Variants in GRK3 observed in about 807,000 individuals in gnomAD.
The protein encoded by GRK3 is adrenergic, beta, receptor kinase 2.
In GRK3, 54 loss-of-function variants were observed where a neutral mutation model predicts 95.7. The ratio of observed to expected loss-of-function variants is 0.56; its 90% CI spans 0.45 to 0.71. The LOEUF (loss-of-function observed/expected upper bound fraction) is 0.71, where lower values mean the gene tolerates loss of function less well. Among genes scored for constraint, GRK3 ranks in the 30% least tolerant of loss-of-function variants. GRK3 has a pLI of 0.00. For missense variants in GRK3, 649 were observed against 851.2 expected (o/e 0.76, Z 2.96); for synonymous variants, 281 against 290.8 (o/e 0.97, Z 0.34).
At chr22:25,605,844 A>G (rs2084441739) in intron 2 of GRK3, among the ~76,000 whole-genome samples, 3 of 152,186 alleles carry the variant, frequency 2.0e-5, no homozygotes, top group Non-Finnish European at 4.4e-5. Context: ...GTCCTTTTGC[A>G]CTGGGCTTCT....
chr22:25,627,382 G>A (rs1015533298), intron 2 of GRK3, among the ~76,000 whole-genome samples: 7 of 152,190 alleles, frequency 4.6e-5, no homozygotes, highest in South Asian at 2.1e-4. Flanking sequence ...CCTCCTTGGC[G>A]TAATAAAGCA....
At chr22:25,720,464 A>G (rs1460105268) in intron 19 of GRK3, among the ~76,000 whole-genome samples, 2 of 146,132 alleles carry the variant, frequency 1.4e-5, no homozygotes, top group Non-Finnish European at 3.0e-5. Flanking sequence ...ATAATACTAT[A>G]GACTTTTTTT....
chr22:25,601,503 T>G (rs1234130211), intron 1 of GRK3, among the ~76,000 whole-genome samples: 1 of 152,166 alleles, frequency 6.6e-6, no homozygotes. Flanking sequence ...TGAGATGCAG[T>G]TAAATCGATG....
At chr22:25,617,575 A>G (rs1313547053) in intron 2 of GRK3, among the ~76,000 whole-genome samples, 1 of 152,230 alleles carries the variant, frequency 6.6e-6, no homozygotes, top group African/African-American at 2.4e-5. Flanking sequence ...TAACTTCAGA[A>G]AGCATAGTCT....
At chr22:25,630,922 C>A (rs1343017460) in intron 2 of GRK3, among the ~76,000 whole-genome samples, 1 of 152,132 alleles carries the variant, frequency 6.6e-6, no homozygotes, top group South Asian at 2.1e-4. Context: ...ATAATTTTCT[C>A]CTCCTGTAAA....
chr22:25,628,266 A>G (rs1022456901), intron 2 of GRK3, among the ~76,000 whole-genome samples: 1 of 152,244 alleles, frequency 6.6e-6, no homozygotes, highest in African/African-American at 2.4e-5. Flanking sequence ...AAAAATAGAT[A>G]CTACTCCAGC....
chr22:25,685,309 G>A (rs537713788), intron 10 of GRK3, 61 bp downstream of exon 10: 1 of 1,297,062 alleles, frequency 7.7e-7, no homozygotes, highest in Non-Finnish European at 1.1e-6. Flanking sequence ...TTAAATCTTA[G>A]CATGCATTAA....
At chr22:25,594,494 G>A (rs2084358072) in intron 1 of GRK3, among the ~76,000 whole-genome samples, 1 of 152,166 alleles carries the variant, frequency 6.6e-6, no homozygotes, top group African/African-American at 2.4e-5. Flanking sequence ...CATCAAAGAG[G>A]TTAATTCATC....
intron 2 of GRK3, among the ~76,000 whole-genome samples, chr22:25,634,801 T>C (rs2084688125): frequency 6.6e-6 from 1 of 152,210 alleles, no homozygotes; most frequent in Non-Finnish European, 1.5e-5. Context: ...ATTAGTCACA[T>C]AAAATTTCTA....
intron 3 of GRK3, among the ~76,000 whole-genome samples, chr22:25,660,806 A>G (rs1426179058): frequency 1.3e-5 from 2 of 152,174 alleles, no homozygotes; most frequent in Non-Finnish European, 2.9e-5. Context: ...GATTAAAAGT[A>G]TTTCTGTAAA....
chr22:25,723,515 C>A lies in GRK3; in HGVS notation c.*1065C>A, dbSNP rs2085450510. ...TGTCATGAATGAATGATACTTTGCA[C>A]TGGGCTGTACGACAGTGAGGACCTT... is the stretch of plus-strand genomic sequence containing the variant. On this transcript the variant is annotated 3_prime_UTR_variant, in exon 21 of 21. Coordinates refer to ENST00000324198, the MANE Select transcript of GRK3 (RefSeq NM_005160.4). 6.6e-6 allele frequency: 1 copy of A among 152,190 alleles called. No individual in the cohort carries two copies. Among genetic ancestry groups the A allele is most frequent in the Non-Finnish European group, 1.5e-5 (1 of 68,044 alleles). 9.4% of individuals were successfully genotyped at this position (152,190 alleles called of 1,614,324 possible).
At chr22:25,655,713 G>T (rs1292043808) in intron 3 of GRK3, among the ~76,000 whole-genome samples, 2 of 152,126 alleles carry the variant, frequency 1.3e-5, no homozygotes, top group African/African-American at 4.8e-5. Context: ...AAACCCTGAA[G>T]TATCTACCTT....
intron 3 of GRK3, among the ~76,000 whole-genome samples, chr22:25,644,914 A>G (rs2084769894): frequency 1.3e-5 from 2 of 152,238 alleles, no homozygotes; most frequent in African/African-American, 4.8e-5. Context: ...CTAAAGTTCC[A>G]GAGATGGGAG....
rs561581394 is a variant in GRK3 at position 25,661,658 on chromosome 22, A to T, written c.347A>T (p.Glu116Val). The T allele has an allele frequency of 1.2e-6, 2 of 1,610,004 alleles. No homozygotes were observed. The highest frequency in any genetic ancestry group is 2.2e-5 in the South Asian group (2 of 90,770). The stretch of plus-strand genomic sequence containing the variant: ...ATTTATGATGCCTACATCATGAAGG[A>T]ACTTCTTTCCTGTTCACATGTAAGT... ...RQIYDAYIMKELLSCSHPFSK... is the reference protein window; with the variant it reads ...RQIYDAYIMKVLLSCSHPFSK... The change falls in exon 4 of 21, where the codon GAA becomes GTA. Residue 116 changes from glutamate to valine, a missense_variant. Transcript: ENST00000324198.
intron 1 of GRK3, among the ~76,000 whole-genome samples, chr22:25,583,904 C>G (rs1932192475): frequency 6.6e-6 from 1 of 152,096 alleles, no homozygotes; most frequent in African/African-American, 2.4e-5. Context: ...ATATTTCAAC[C>G]CCAAATTTGG....
rs112462039 is a variant in GRK3 at position 25,702,378 on chromosome 22, A to C, written c.1161-1132A>C. On this transcript the variant is annotated intron_variant, in intron 13 of 20. Transcript: ENST00000324198. ...TCTGATTTATGTGTTCAACATTCTA[A>C]TCCATTTTATGGAGTTAATATTAAA... Among the ~76,000 whole-genome samples the C allele has an allele frequency of 4.9e-3, 749 of 152,262 alleles. 7 individuals are homozygous for C. Among genetic ancestry groups the C allele is most frequent in the African/African-American group, 0.017 (724 of 41,544 alleles).
At chr22:25,675,395 A>G (rs1329206875) in intron 8 of GRK3, among the ~76,000 whole-genome samples, 1 of 152,124 alleles carries the variant, frequency 6.6e-6, no homozygotes, top group Admixed American at 6.5e-5. Flanking sequence ...AACTAACTGC[A>G]TCTGAGCTGG....
rs535152363 is a variant in GRK3, at chr22:25,649,383, C to CT, written c.264+4726dup. ...TCCCAGATATGGTTCCACAAAACCA[C>CT]TTTTTTTTACCCCAAGTATTAAACT... On this transcript the variant is annotated intron_variant, in intron 3 of 20. Coordinates refer to ENST00000324198, the MANE Select transcript of GRK3 (RefSeq NM_005160.4). 5.9e-5 allele frequency among the ~76,000 whole-genome samples: 9 copies of CT among 152,138 alleles called. No individual in the cohort carries two copies. In the South Asian group the frequency reaches 1.0e-3, roughly 18 times the overall value.
chr22:25,677,236 G>A (rs1227378285), intron 8 of GRK3, among the ~76,000 whole-genome samples: 4 of 151,462 alleles, frequency 2.6e-5, no homozygotes, highest in Non-Finnish European at 5.9e-5. Flanking sequence ...CTGGTGACAG[G>A]TGCCTGTAGT....
Sources: gnomAD v4.1 joint callset for allele counts (sites outside exome capture counted in the v4.1 genomes callset) on GRCh38, gnomAD v4.1.1 for gene constraint, MANE v1.5 for transcripts, NCBI Gene and HGNC (gene_info 2026-07-23, HGNC 2026-07-21) for gene names.